Variants in LYPD6 observed in about 807,000 individuals in gnomAD.
The protein encoded by LYPD6 is LY6/PLAUR domain containing 6, also known as ly6/PLAUR domain-containing protein 6.
A neutral mutation model predicts 22.7 loss-of-function variants in LYPD6; 15 were observed. The observed-to-expected ratio is 0.66, with a 90% CI of 0.44 to 1.02. The LOEUF is 1.02. Ranked by LOEUF, LYPD6 falls within the 50% of genes least tolerant of loss-of-function variation. The probability of loss-of-function intolerance (pLI) is 0.00; values close to 1 mark genes in which losing one functional copy is unlikely to be tolerated. For missense variants in LYPD6, 189 were observed against 208.4 expected, an observed-to-expected ratio of 0.91 and a Z score of 0.57; for synonymous variants, 72 against 77.5, an observed-to-expected ratio of 0.93 and a Z score of 0.37.
chr2:149,461,004 A>G (rs373687512), intron 3 of LYPD6, among the ~76,000 whole-genome samples: 1 of 152,054 alleles, frequency 6.6e-6, no homozygotes, highest in Non-Finnish European at 1.5e-5. Context: ...TTATAGCACT[A>G]TATGCACATA....
At chr2:149,461,164 C>A (rs1019544839) in intron 3 of LYPD6, among the ~76,000 whole-genome samples, 3 of 151,808 alleles carry the variant, frequency 2.0e-5, no homozygotes, top group African/African-American at 7.3e-5. Flanking sequence ...AATACATATA[C>A]TAAAACATTT....
chr2:149,437,683 C>T lies in LYPD6; in HGVS notation c.-26C>T. On this transcript the variant is annotated 5_prime_UTR_variant, in exon 2 of 5. Transcript: ENST00000334166. ...CCCTGAGTGCCCACTCCCAGGCCCT[C>T]TGTATGAGTGACACTTCAGTCTGCC... 1 of 1,613,610 alleles carries T rather than the reference C, an allele frequency of 6.2e-7. No homozygotes were observed.
chr2:149,445,496 GTCA>G (rs1246199342), intron 2 of LYPD6, among the ~76,000 whole-genome samples: 31 of 152,180 alleles, frequency 2.0e-4, no homozygotes, highest in Admixed American at 2.0e-3. Context: ...TCTGTTTAGT[GTCA>G]TCATCTTCAG....
intron 1 of LYPD6, among the ~76,000 whole-genome samples, chr2:149,399,795 C>G (rs1682512274): frequency 6.6e-6 from 1 of 151,726 alleles, no homozygotes; most frequent in Non-Finnish European, 1.5e-5. Flanking sequence ...ACTTGGAGGA[C>G]AGTCTAACAC....
the LYPD6 span, among the ~76,000 whole-genome samples, chr2:149,484,788 A>G: frequency 6.6e-6 from 1 of 152,176 alleles, no homozygotes; most frequent in Non-Finnish European, 1.5e-5. Flanking sequence ...TAATGAGCAA[A>G]TGAGTAATTT....
At chr2:149,430,658 G>C (rs1347709364) in intron 1 of LYPD6, among the ~76,000 whole-genome samples, 2 of 152,126 alleles carry the variant, frequency 1.3e-5, no homozygotes, top group African/African-American at 4.8e-5. Context: ...ATTTCTGTTT[G>C]AATAGCATTG....
At chr2:149,466,901 A>G (rs1160777592) in intron 3 of LYPD6, among the ~76,000 whole-genome samples, 1 of 110,622 alleles carries the variant, frequency 9.0e-6, no homozygotes, top group Non-Finnish European at 1.8e-5. Flanking sequence ...TTTCTAGAAC[A>G]TTTGAAGTTG....
chr2:149,431,392 T>C (rs537315723), intron 1 of LYPD6, among the ~76,000 whole-genome samples: 2 of 152,332 alleles, frequency 1.3e-5, no homozygotes, highest in Non-Finnish European at 1.5e-5. Context: ...TTTGTGAGGT[T>C]TGTGGATTAA....
chr2:149,432,642 A>G (rs549067230), intron 1 of LYPD6, among the ~76,000 whole-genome samples: 5 of 152,278 alleles, frequency 3.3e-5, no homozygotes, highest in Admixed American at 3.3e-4. Flanking sequence ...TTGTGGTGTC[A>G]TTTGAGGTGG....
At chr2:149,434,356 C>A (rs1403416061) in intron 1 of LYPD6, among the ~76,000 whole-genome samples, 1 of 152,122 alleles carries the variant, frequency 6.6e-6, no homozygotes, top group Non-Finnish European at 1.5e-5. Flanking sequence ...TATACTTAAT[C>A]CTCATCGATT....
In LYPD6 at chr2:149,392,529, C is replaced by A. The variant is rs1364392435; in HGVS notation, c.-71-45109C>A. Among the ~76,000 whole-genome samples, 4 of 152,302 alleles carry A rather than the reference C, an allele frequency of 2.6e-5. 1 individual carries two copies. Among genetic ancestry groups the A allele is most frequent in the Admixed American group, 2.6e-4 (4 of 15,304 alleles). The stretch of plus-strand genomic sequence containing the variant: ...CTTGGAAACTCACAGGGTAACCAGT[C>A]CCCCTGAGGACCAGGGAAGCTGTGA... On this transcript the variant is annotated intron_variant, in intron 1 of 4. Coordinates refer to ENST00000334166, the MANE Select transcript of LYPD6 (RefSeq NM_194317.5).
the LYPD6 span, among the ~76,000 whole-genome samples, chr2:149,481,726 A>C: frequency 6.6e-6 from 1 of 152,254 alleles, no homozygotes; most frequent in African/African-American, 2.4e-5. Context: ...CTATGTAGGA[A>C]GCAAATATGT....
chr2:149,373,038 A>G (rs1418043652), intron 1 of LYPD6, among the ~76,000 whole-genome samples: 2 of 152,062 alleles, frequency 1.3e-5, no homozygotes, highest in East Asian at 1.9e-4. Flanking sequence ...TGCTAGAGAA[A>G]GGGTTGGAGG....
intron 2 of LYPD6, among the ~76,000 whole-genome samples, chr2:149,447,665 T>C (rs2105161064): frequency 6.6e-6 from 1 of 152,336 alleles, no homozygotes; most frequent in East Asian, 1.9e-4. Context: ...ATTGCCACTT[T>C]TGTAGATTGA....
chr2:149,390,093 G>A (rs1682275739), intron 1 of LYPD6, among the ~76,000 whole-genome samples: 2 of 152,172 alleles, frequency 1.3e-5, no homozygotes, highest in Non-Finnish European at 2.9e-5. Context: ...TCAGTTCCTT[G>A]TTGGTAGATA....
intron 1 of LYPD6, among the ~76,000 whole-genome samples, chr2:149,378,315 G>A (rs944907219): frequency 9.2e-5 from 14 of 151,964 alleles, no homozygotes; most frequent in Non-Finnish European, 1.5e-4. Context: ...ACAGAATTTC[G>A]CCATGTTGCC....
chr2:149,405,126 T>C (rs1230887043), intron 1 of LYPD6, among the ~76,000 whole-genome samples: 3 of 151,760 alleles, frequency 2.0e-5, no homozygotes, highest in African/African-American at 7.3e-5. Flanking sequence ...TGCTGTTGGA[T>C]TTGGTTTGCC....
At chr2:149,449,175 C>G (rs1573817304) in intron 3 of LYPD6, 28 bp downstream of exon 3, 1 of 1,541,732 alleles carries the variant, frequency 6.5e-7, no homozygotes, top group African/African-American at 1.4e-5. Flanking sequence ...TGATTGGGGT[C>G]CCCTGGGCTG....
chr2:149,464,533 T>C (rs1193334605), intron 3 of LYPD6: 1 of 157,124 alleles, frequency 6.4e-6, no homozygotes, highest in African/African-American at 2.4e-5. Flanking sequence ...TTAAATTAAC[T>C]GATGATTCTA....
Sources: allele counts gnomAD v4.1 joint callset (sites outside exome capture counted in the v4.1 genomes callset), GRCh38; gene constraint gnomAD v4.1.1; transcripts MANE v1.5; gene names NCBI Gene and HGNC (gene_info 2026-07-23, HGNC 2026-07-21).